Variants in ODAPH observed in about 807,000 individuals in gnomAD.
ODAPH encodes the protein odontogenesis associated phosphoprotein.
In ODAPH, 2 loss-of-function variants were observed where a neutral mutation model predicts 2.8. That is an observed-to-expected ratio of 0.72 (90% CI 0.30 to 2.28). The LOEUF is 2.28. ODAPH is among the 30% of genes most tolerant of loss of function. The pLI is 0.13. For synonymous variants in ODAPH, 75 were observed against 60.3 expected (o/e 1.24, Z -1.13); for missense variants, 159 against 163.3 (o/e 0.97, Z 0.14).
chr4:75,564,632 T>A lies in ODAPH; in HGVS notation c.*193T>A. 1 of 1,243,788 alleles carries A rather than the reference T, an allele frequency of 8.0e-7. No homozygotes were observed. The highest frequency in any genetic ancestry group is 1.1e-6 in the Non-Finnish European group (1 of 914,060). The allele number at this position is 1,243,788 out of a possible 1,614,324, so 77.0% of individuals were successfully genotyped here. ...TATTGGATCATAGGTTATTGATGGT[T>A]GCAAAATTGGACAATAACCACGTTA... On this transcript the variant is annotated 3_prime_UTR_variant, in exon 2 of 2. Coordinates refer to ENST00000311623, the MANE Select transcript of ODAPH (RefSeq NM_178497.5).
chr4:75,556,970 A>G (rs1727360564), intron 1 of ODAPH, among the ~76,000 whole-genome samples: 2 of 152,112 alleles, frequency 1.3e-5, no homozygotes, highest in Admixed American at 1.3e-4. Context: ...GGGGCTTTGC[A>G]GGGGCTCAGC....
At chr4:75,563,005 C>CTTTTTTTTTT (rs542417085) in intron 1 of ODAPH, among the ~76,000 whole-genome samples, 6 of 59,600 alleles carry the variant, frequency 1.0e-4, no homozygotes, top group Admixed American at 2.7e-4. Flanking sequence ...ATCCACACAT[C>CTTTTTTTTTT]TTTTTTTTTT....
intron 1 of ODAPH, among the ~76,000 whole-genome samples, chr4:75,558,512 T>TAAA (rs35726140): frequency 1.2e-3 from 176 of 140,862 alleles, no homozygotes; most frequent in African/African-American, 3.8e-3. Flanking sequence ...TAGGTAATTA[T>TAAA]AAAAAAAAAA....
At chr4:75,564,848 C>A, downstream of ODAPH, 1 of 331,688 alleles carries the variant, frequency 3.0e-6, no homozygotes, top group Non-Finnish European at 5.6e-6. Context: ...TTTTTATACT[C>A]ATTGGAAAAC....
chr4:75,560,220 C>G (rs924413254), intron 1 of ODAPH, among the ~76,000 whole-genome samples: 2 of 152,148 alleles, frequency 1.3e-5, no homozygotes, highest in African/African-American at 4.8e-5. Context: ...CAAAGAAGTT[C>G]ATGGCAGATT....
At chr4:75,561,210 C>T (rs954236625) in intron 1 of ODAPH, among the ~76,000 whole-genome samples, 5 of 106,364 alleles carry the variant, frequency 4.7e-5, no homozygotes, top group Non-Finnish European at 8.7e-5. Flanking sequence ...GGCAACAGAG[C>T]GAAACTCAAT....
At chr4:75,561,223 CAAAAAAAAA>C (rs35040152) in intron 1 of ODAPH, among the ~76,000 whole-genome samples, 4 of 62,700 alleles carry the variant, frequency 6.4e-5, no homozygotes, top group Admixed American at 2.2e-4. Flanking sequence ...AACTCAATCT[CAAAAAAAAA>C]AAAAAAAAAA....
At chr4:75,558,392 C>A (rs1727428029) in intron 1 of ODAPH, among the ~76,000 whole-genome samples, 1 of 152,006 alleles carries the variant, frequency 6.6e-6, no homozygotes, top group African/African-American at 2.4e-5. Flanking sequence ...CTCCATGCAC[C>A]ATGTAAGGGA....
intron 1 of ODAPH, among the ~76,000 whole-genome samples, chr4:75,561,109 G>C (rs932932493): frequency 6.6e-6 from 1 of 150,892 alleles, no homozygotes; most frequent in Non-Finnish European, 1.5e-5. Context: ...CTGTAGTCCC[G>C]GCTACTCGGG....
chr4:75,564,112 A>G lies in ODAPH; in HGVS notation c.68-2A>G, dbSNP rs1560562630. 5 of 1,614,000 alleles carry G rather than the reference A, an allele frequency of 3.1e-6. No homozygotes were observed. Among genetic ancestry groups the G allele is most frequent in the Non-Finnish European group, 4.2e-6 (5 of 1,179,976 alleles). The stretch of plus-strand genomic sequence containing the variant: ...TCCTGACTTGCGTTTTCCTCTCCAC[A>G]GGACAAGAAGAGGTATTTACGCCTC... On this transcript the variant is annotated splice_acceptor_variant, in intron 1 of 1. Transcript: ENST00000311623. LOFTEE classifies it high-confidence loss of function.
intron 1 of ODAPH, among the ~76,000 whole-genome samples, chr4:75,562,362 G>T (rs1727615500): frequency 6.9e-6 from 1 of 145,872 alleles, no homozygotes; most frequent in Non-Finnish European, 1.5e-5. Flanking sequence ...TTTTTGAGAC[G>T]GAGTTTTGCT....
At chr4:75,565,679 CA>C (rs1475570662), downstream of ODAPH, 2 of 152,058 alleles carry the variant, frequency 1.3e-5, no homozygotes, top group African/African-American at 4.8e-5. Flanking sequence ...TTTAGTTCTG[CA>C]TATGTGGTCA....
At chr4:75,564,051 C>G in intron 1 of ODAPH, 63 bp from the exon 2 acceptor site, 2 of 1,495,370 alleles carry the variant, frequency 1.3e-6, no homozygotes, top group African/African-American at 1.4e-5. Context: ...TGCCACCACT[C>G]TAAACCACTC....
At chr4:75,558,729 T>C (rs955227612) in intron 1 of ODAPH, among the ~76,000 whole-genome samples, 1 of 152,238 alleles carries the variant, frequency 6.6e-6, no homozygotes, top group Non-Finnish European at 1.5e-5. Context: ...GGTCTCCCTC[T>C]GTCGCCCAGG....
intron 1 of ODAPH, among the ~76,000 whole-genome samples, chr4:75,558,546 T>G (rs796947753): frequency 2.9e-4 from 44 of 152,330 alleles, no homozygotes; most frequent in African/African-American, 1.0e-3. Context: ...CATTACCTTT[T>G]TTTAAAAAAG....
chr4:75,557,161 A>C (rs6811713), intron 1 of ODAPH, among the ~76,000 whole-genome samples: 31,774 of 152,110 alleles, frequency 0.21, 3,469 homozygotes, highest in Middle Eastern at 0.38. Flanking sequence ...ACCTGCCCCC[A>C]TATCCCAAGG....
Position 75,564,477 on chromosome 4 carries a change from A to G in ODAPH, c.*38A>G. 6 of 1,613,748 alleles carry G rather than the reference A, an allele frequency of 3.7e-6. 1 individual carries two copies. The highest frequency in any genetic ancestry group is 5.1e-6 in the Non-Finnish European group (6 of 1,180,022). Reference sequence around the variant, plus strand: ...ACCCAAACATACTGAAGCAAAAAAAAGCCTATCCTTCAGAAAAAAGCAACA... The same window carrying G: ...ACCCAAACATACTGAAGCAAAAAAAGGCCTATCCTTCAGAAAAAAGCAACA... On this transcript the variant is annotated 3_prime_UTR_variant, in exon 2 of 2. Transcript: ENST00000311623.
intron 1 of ODAPH, among the ~76,000 whole-genome samples, 200 bp downstream of exon 1, chr4:75,556,349 C>A (rs138078839): frequency 2.8e-4 from 43 of 152,306 alleles, no homozygotes; most frequent in Non-Finnish European, 4.0e-4. Flanking sequence ...AGCTCTGTGA[C>A]TTTAGACACA....
chr4:75,562,435 G>A (rs1031015032), intron 1 of ODAPH, among the ~76,000 whole-genome samples: 6 of 151,674 alleles, frequency 4.0e-5, no homozygotes, highest in African/African-American at 1.2e-4. Context: ...CACCTCCCGG[G>A]TTCAAGCAAT....
Sources: allele counts gnomAD v4.1 joint callset (sites outside exome capture counted in the v4.1 genomes callset), GRCh38; gene constraint gnomAD v4.1.1; transcripts MANE v1.5; gene names NCBI Gene and HGNC (gene_info 2026-07-23, HGNC 2026-07-21).